Variants in PIDD1 observed in about 807,000 individuals in gnomAD.
The protein encoded by PIDD1 is p53-induced death domain-containing protein 1.
In PIDD1, 72 loss-of-function variants were observed where a neutral mutation model predicts 80.0. That is an observed-to-expected ratio of 0.90 (90% CI 0.74 to 1.09). The LOEUF is 1.09. Ranked by LOEUF, PIDD1 falls within the 50% of genes least tolerant of loss-of-function variation. The pLI is 0.00. For missense variants in PIDD1, 1,329 were observed against 1,228.3 expected (o/e 1.08, Z -1.23); for synonymous variants, 655 against 543.5 (o/e 1.21, Z -2.85).
intron 4 of PIDD1, 42 bp downstream of exon 4, chr11:802,640 C>T: frequency 6.2e-7 from 1 of 1,605,658 alleles, no homozygotes; most frequent in Non-Finnish European, 8.5e-7. Context: ...TGAGGAGACT[C>T]ATGTCCTATC....
rs1590140798 is a variant in PIDD1, at chr11:801,283, T to C, written c.1565A>G (p.Gln522Arg). 2 of 1,589,492 alleles carry C rather than the reference T, an allele frequency of 1.3e-6. No homozygotes were observed. The highest frequency in any genetic ancestry group is 1.7e-6 in the Non-Finnish European group (2 of 1,168,088). Residue 522 changes from glutamine to arginine, a missense_variant, in exon 9 of 16, where the codon CAG becomes CGG. Transcript: ENST00000347755. ...TTGGAGGAAGCTGGGGGGACCGCTCTGTGACAGGCACAGCAGGGGGCTCAC... is the reference window on the plus strand; with the variant it reads ...TTGGAGGAAGCTGGGGGGACCGCTCCGTGACAGGCACAGCAGGGGGCTCAC... ...AAVSPLLCLS[Q>R]SGPPSFLQPV... is the part of the protein sequence containing the mutation.
chr11:801,703 G>A, intron 7 of PIDD1, 79 bp from the exon 8 acceptor site: 1 of 1,290,730 alleles, frequency 7.7e-7, no homozygotes, highest in Non-Finnish European at 1.1e-6. Context: ...CAGGATCCAG[G>A]AGAGACGGGG....
upstream of PIDD1, chr11:809,494 C>G (rs948882764): frequency 2.6e-5 from 4 of 152,302 alleles, no homozygotes; most frequent in African/African-American, 7.2e-5. Context: ...CTACCGCCAG[C>G]AGCTTCTGCC....
intron 7 of PIDD1, 90 bp from the exon 8 acceptor site, chr11:801,714 C>G (rs539987763): frequency 9.1e-7 from 1 of 1,103,492 alleles, no homozygotes; most frequent in Non-Finnish European, 1.3e-6. Flanking sequence ...AGAGACGGGG[C>G]GGGGTGGAAG....
In PIDD1 at chr11:802,857, G is replaced by C. The variant is rs1194551878; in HGVS notation, c.744C>G (p.His248Gln). The C allele has an allele frequency of 6.3e-7, 1 of 1,584,564 alleles. No homozygotes were observed. Among genetic ancestry groups the C allele is most frequent in the Admixed American group, 1.8e-5 (1 of 55,192 alleles). ...CTGGCACAGAGGCCAGGAGGTTGCT[G>C]TGCAGGACAAGGAGCCGCAAGGACC... ...GLRSLRLLVLHSNLLASVPAD... is the reference protein window; with the variant it reads ...GLRSLRLLVLQSNLLASVPAD... Residue 248 changes from histidine (H) to glutamine (Q), a missense_variant, in exon 4 of 16, where the codon CAC (histidine) becomes CAG (glutamine). His to Gln is a conservative substitution (Grantham distance 24, BLOSUM62 0). Coordinates refer to ENST00000347755, the MANE Select transcript of PIDD1 (RefSeq NM_145886.4).
Position 801,457 on chromosome 11 carries a change from TCGA to T in PIDD1, c.1467_1469del (p.Arg490del). ...GTCCTGGCCATACCTGCATGGAGAC[TCGA>T]CGAGGCTCCTCAGTGGCCCCAGGGG... is the stretch of plus-strand genomic sequence containing the variant. On this transcript the variant is annotated inframe_deletion, in exon 8 of 16. Transcript: ENST00000347755. The T allele has an allele frequency of 1.9e-6, 3 of 1,543,538 alleles. No individual in the cohort carries two copies. The highest frequency in any genetic ancestry group is 2.6e-6 in the Non-Finnish European group (3 of 1,142,434).
At position 801,263 on chromosome 11, in the gene PIDD1, G is replaced by T; in HGVS notation, c.1585C>A (p.Leu529Ile). 1 of 1,573,058 alleles carries T rather than the reference G, an allele frequency of 6.4e-7. No homozygotes were observed. The highest frequency in any genetic ancestry group is 8.6e-7 in the Non-Finnish European group (1 of 1,158,246). ...CLSQSGPPSF[L>I]QPVTVQLPLP... ...GGCAGCTGCACGGTGACCGGTTGGA[G>T]GAAGCTGGGGGGACCGCTCTGTGAC... Residue 529 changes from leucine to isoleucine, a missense_variant, in exon 9 of 16, where the codon CTC becomes ATC. Leu to Ile is a conservative substitution (Grantham distance 5). Coordinates refer to ENST00000347755, the MANE Select transcript of PIDD1 (RefSeq NM_145886.4).
Position 801,269 on chromosome 11 carries a change from T to TG in PIDD1, c.1578dup (p.Ser527GlnfsTer40). ...TGCACGGTGACCGGTTGGAGGAAGC[T>TG]GGGGGGACCGCTCTGTGACAGGCAC... On this transcript the variant is annotated frameshift_variant, in exon 9 of 16. Transcript: ENST00000347755. LOFTEE classifies it high-confidence loss of function. 1 of 1,578,934 alleles carries TG rather than the reference T, an allele frequency of 6.3e-7. No individual in the cohort carries two copies. The highest frequency in any genetic ancestry group is 8.6e-7 in the Non-Finnish European group (1 of 1,161,528).
Position 805,198 on chromosome 11 carries a change from C to T in PIDD1, c.-95G>A, listed in dbSNP as rs913316894. The T allele has an allele frequency of 2.2e-5, 22 of 983,198 alleles. No homozygotes were observed. Among genetic ancestry groups the T allele is most frequent in the South Asian group, 4.7e-5 (1 of 21,268 alleles). The allele number at this position is 983,198 out of a possible 1,614,324, so 60.9% of individuals were successfully genotyped here. Reference sequence around the variant, plus strand: ...GCGTACCTGCGCTGCAGGCGGCGCGCAAAGGGTGGCTGCTCAGCGGGCGCT... The same window carrying T: ...GCGTACCTGCGCTGCAGGCGGCGCGTAAAGGGTGGCTGCTCAGCGGGCGCT... On this transcript the variant is annotated 5_prime_UTR_variant, in exon 1 of 16. Transcript: ENST00000347755.
intron 4 of PIDD1, 25 bp downstream of exon 4, chr11:802,657 C>CAT (rs1865462239): frequency 6.2e-7 from 1 of 1,606,900 alleles, no homozygotes; most frequent in African/African-American, 1.3e-5. Context: ...TATCCCAGGT[C>CAT]TGCCCCTTCT....
chr11:800,192 G>T lies in PIDD1; in HGVS notation c.2213C>A (p.Ala738Asp). 6.2e-7 allele frequency: 1 copy of T among 1,610,990 alleles called. No individual in the cohort carries two copies. ...GTCTGCGCCCTTCCTCTGCCGGGCA[G>T]CCTCAGCCTCCTCGGGCACCCGCAC... is the stretch of plus-strand genomic sequence containing the variant. ...VPVRVPEEAE[A>D]ARQRKGADAL... The change falls in exon 14 of 16, where the codon GCT (alanine) becomes GAT (aspartate). Residue 738 changes from alanine to aspartate, a missense_variant. Coordinates refer to ENST00000347755, the MANE Select transcript of PIDD1 (RefSeq NM_145886.4).
chr11:808,953 C>G (rs1435989872), upstream of PIDD1, among the ~76,000 whole-genome samples: 1 of 152,242 alleles, frequency 6.6e-6, no homozygotes, highest in Non-Finnish European at 1.5e-5. Context: ...ATACCTGCAT[C>G]TGACCCTGTT....
At chr11:807,406 G>C (rs981256689), upstream of PIDD1, among the ~76,000 whole-genome samples, 3 of 151,928 alleles carry the variant, frequency 2.0e-5, no homozygotes, top group Non-Finnish European at 4.4e-5. Context: ...GTGAACCCGG[G>C]AGGCGGAGCT....
In PIDD1 at chr11:803,600, G is replaced by C. The variant is rs769940777; in HGVS notation, c.296-13C>G. ...CGGCGTTGCCCTCCTGGGAAGGGGGGAGGCGGATGTGGCCCTCAGAGCCAG... is the reference window on the plus strand; with the variant it reads ...CGGCGTTGCCCTCCTGGGAAGGGGGCAGGCGGATGTGGCCCTCAGAGCCAG... On this transcript the variant is annotated splice_polypyrimidine_tract_variant and intron_variant, in intron 2 of 15. Transcript: ENST00000347755. The C allele has an allele frequency of 1.2e-5, 19 of 1,596,466 alleles. No homozygotes were observed. In the South Asian group the frequency reaches 1.9e-4, roughly 16 times the overall value.
rs1865421242 is a variant in PIDD1 at position 802,306 on chromosome 11, G to A, written c.1065C>T (p.Thr355=). The stretch of plus-strand genomic sequence containing the variant: ...CCGGCAGCAGCAGCCGATAGCGGAT[G>A]GTGATGGGGGTGGCGGTGGCTCCCG... ...FPAGATATPI[T]IRYRLLLPEP... Residue 355 remains threonine (T), a synonymous_variant, in exon 6 of 16, where the codon ACC becomes ACT. Coordinates refer to ENST00000347755, the MANE Select transcript of PIDD1 (RefSeq NM_145886.4). 5 of 1,612,128 alleles carry A rather than the reference G, an allele frequency of 3.1e-6. No individual in the cohort carries two copies. In the East Asian group the frequency reaches 8.9e-5, roughly 29 times the overall value.
intron 15 of PIDD1, 83 bp from the exon 16 acceptor site, chr11:799,648 A>T: frequency 6.8e-7 from 1 of 1,465,468 alleles, no homozygotes; most frequent in Middle Eastern, 1.9e-4. Flanking sequence ...AGTGTGGGGG[A>T]GTTCCCGGCT....
At chr11:803,092 G>T in intron 3 of PIDD1, 82 bp downstream of exon 3, 1 of 1,109,232 alleles carries the variant, frequency 9.0e-7, no homozygotes, top group Non-Finnish European at 1.3e-6. Context: ...AAGCCTGTGG[G>T]TGCAGAGGCC....
In PIDD1 at chr11:804,288, C is replaced by T. The variant is rs1162200020; in HGVS notation, c.101G>A (p.Gly34Asp). 14 of 1,612,854 alleles carry T rather than the reference C, an allele frequency of 8.7e-6. No individual in the cohort carries two copies. The highest frequency in any genetic ancestry group is 5.0e-5 in the Admixed American group (3 of 59,992). ...DAGSRALPFL[G>D]GNRLSLDLYP... ...CAGGTCCAAGCTCAGCCGGTTGCCG[C>T]CCAGGAAAGGCAGCGCCCTGGACCC... is the stretch of plus-strand genomic sequence containing the variant. The change falls in exon 2 of 16, where the codon GGC (glycine) becomes GAC (aspartate). Residue 34 changes from glycine to aspartate, a missense_variant. Gly to Asp is a moderately conservative substitution (Grantham distance 94). Coordinates refer to ENST00000347755, the MANE Select transcript of PIDD1 (RefSeq NM_145886.4).
chr11:801,152 T>G (rs757940994), intron 9 of PIDD1, 32 bp from the exon 10 acceptor site: 56 of 1,546,710 alleles, frequency 3.6e-5, no homozygotes, highest in Non-Finnish European at 4.7e-5. Context: ...AGCTGAGGCC[T>G]CCTGGCCGGA....
Sources: allele counts gnomAD v4.1 joint callset (sites outside exome capture counted in the v4.1 genomes callset), GRCh38; gene constraint gnomAD v4.1.1; transcripts MANE v1.5; gene names NCBI Gene and HGNC (gene_info 2026-07-23, HGNC 2026-07-21).